The following CSGALNACT1 variants were observed in gnomAD, a reference collection of about 807,000 sequenced individuals.
CSGALNACT1 encodes the protein beta4GalNAcT-1.
In CSGALNACT1, 52 loss-of-function variants were observed where a neutral mutation model predicts 51.0. That is an observed-to-expected ratio of 1.02 (90% CI 0.82 to 1.29). The LOEUF is 1.29. Ranked by LOEUF, CSGALNACT1 falls within the 50% of genes most tolerant of loss-of-function variation. The pLI, the probability that CSGALNACT1 is intolerant of heterozygous loss-of-function variation, is 0.00. For synonymous variants in CSGALNACT1, 341 were observed against 254.4 expected (o/e 1.34, Z -3.24); for missense variants, 935 against 679.2 (o/e 1.38, Z -4.19).
At chr8:19,484,263 C>G (rs947689788) in intron 4 of CSGALNACT1, among the ~76,000 whole-genome samples, 1 of 136,446 alleles carries the variant, frequency 7.3e-6, no homozygotes, top group African/African-American at 2.8e-5. Flanking sequence ...CATTCTCCAC[C>G]GAATAAGAAA....
intron 3 of CSGALNACT1, among the ~76,000 whole-genome samples, chr8:19,524,431 T>C (rs559920236): frequency 3.9e-5 from 6 of 152,034 alleles, no homozygotes; most frequent in Non-Finnish European, 7.4e-5. Flanking sequence ...CCATGCCTAA[T>C]TTTTTTTTCT....
intron 3 of CSGALNACT1, among the ~76,000 whole-genome samples, chr8:19,518,508 G>A (rs947301769): frequency 6.6e-6 from 1 of 152,160 alleles, no homozygotes; most frequent in Non-Finnish European, 1.5e-5. Context: ...AAACCAATCT[G>A]TGAGCCCTAT....
intron 4 of CSGALNACT1, among the ~76,000 whole-genome samples, chr8:19,478,191 G>T (rs2070298269): frequency 6.6e-6 from 1 of 152,060 alleles, no homozygotes; most frequent in African/African-American, 2.4e-5. Flanking sequence ...AAGGCGGGTG[G>T]ATCACGAGGT....
rs564249073 is a variant in CSGALNACT1, at chr8:19,468,395, G to A, written c.635-9753C>T. Among the ~76,000 whole-genome samples the A allele has an allele frequency of 1.1e-4, 16 of 152,228 alleles. No individual in the cohort carries two copies. The East Asian group carries it at 1.2e-3, about 11-fold the overall frequency. On this transcript the variant is annotated intron_variant, in intron 4 of 9. Transcript: ENST00000454498. ...AAGGCCGACGTGGAGCGGGACGAGG[G>A]GTCACATCATGTGGATCCCCTAAGT...
At chr8:19,500,437 G>C (rs1050065506) in intron 4 of CSGALNACT1, among the ~76,000 whole-genome samples, 2 of 147,810 alleles carry the variant, frequency 1.4e-5, no homozygotes, top group Non-Finnish European at 3.0e-5. Context: ...GCTGTCTTAT[G>C]ATTTCCACCA....
chr8:19,747,633 C>T (rs1413517689), intron 1 of CSGALNACT1, among the ~76,000 whole-genome samples: 2 of 152,160 alleles, frequency 1.3e-5, no homozygotes, highest in Non-Finnish European at 2.9e-5. Flanking sequence ...TTCAGCCACC[C>T]TCTGGACTGA....
intron 1 of CSGALNACT1, among the ~76,000 whole-genome samples, chr8:19,662,157 C>G (rs1207055849): frequency 6.9e-6 from 1 of 144,976 alleles, no homozygotes; most frequent in Non-Finnish European, 1.5e-5. Flanking sequence ...GGGGCTCACA[C>G]TGGTAATCCC....
intron 3 of CSGALNACT1, among the ~76,000 whole-genome samples, chr8:19,511,834 T>A (rs969148420): frequency 1.3e-5 from 2 of 152,142 alleles, no homozygotes; most frequent in Non-Finnish European, 2.9e-5. Context: ...CTCAGGAAAC[T>A]TACAATCATG....
chr8:19,732,499 A>T (rs2063746554), intron 1 of CSGALNACT1: 2 of 152,176 alleles, frequency 1.3e-5, no homozygotes, highest in South Asian at 4.1e-4. Flanking sequence ...CTGATCCTGA[A>T]AATAGAATAA....
At chr8:19,699,484 T>A (rs1302544455) in intron 1 of CSGALNACT1, among the ~76,000 whole-genome samples, 4 of 152,218 alleles carry the variant, frequency 2.6e-5, no homozygotes, top group Non-Finnish European at 5.9e-5. Context: ...GGAAACAAGC[T>A]ATAACACAAG....
chr8:19,526,991 T>C (rs927378383), intron 3 of CSGALNACT1, among the ~76,000 whole-genome samples: 21 of 152,232 alleles, frequency 1.4e-4, no homozygotes, highest in Admixed American at 1.2e-3. Context: ...TATCCGTATC[T>C]ATATGACTCA....
chr8:19,468,835 G>A (rs746894605), intron 4 of CSGALNACT1, among the ~76,000 whole-genome samples: 2 of 152,160 alleles, frequency 1.3e-5, no homozygotes, highest in South Asian at 4.1e-4. Context: ...CATCCCCACT[G>A]TGTAAGCTGA....
chr8:19,465,457 G>T (rs76100144), intron 4 of CSGALNACT1, among the ~76,000 whole-genome samples: 18,029 of 152,128 alleles, frequency 0.12, 1,262 homozygotes, highest in Middle Eastern at 0.21. Flanking sequence ...ATGTACTTAA[G>T]GCCACTGAAC....
chr8:19,470,184 G>A (rs1160331578), intron 4 of CSGALNACT1, among the ~76,000 whole-genome samples: 1 of 152,194 alleles, frequency 6.6e-6, no homozygotes, highest in Non-Finnish European at 1.5e-5. Context: ...GGGTTACCTA[G>A]TTCCCACAAT....
At chr8:19,637,450 T>C (rs1306647174) in intron 1 of CSGALNACT1, among the ~76,000 whole-genome samples, 2 of 152,242 alleles carry the variant, frequency 1.3e-5, no homozygotes, top group Admixed American at 1.3e-4. Flanking sequence ...TTTTGTATGA[T>C]AATGTCATAA....
chr8:19,579,643 A>G (rs2045122014), intron 3 of CSGALNACT1, among the ~76,000 whole-genome samples: 1 of 152,248 alleles, frequency 6.6e-6, no homozygotes, highest in Non-Finnish European at 1.5e-5. Flanking sequence ...TTTAGTTCAC[A>G]GCATTGTCCT....
chr8:19,485,252 C>A (rs938917279), intron 4 of CSGALNACT1, among the ~76,000 whole-genome samples: 2 of 152,204 alleles, frequency 1.3e-5, no homozygotes, highest in Admixed American at 6.5e-5. Context: ...GTGTGTTCGG[C>A]ACAGGCTGAA....
intron 6 of CSGALNACT1, among the ~76,000 whole-genome samples, chr8:19,438,211 C>G (rs747029327): frequency 2.6e-5 from 4 of 152,090 alleles, no homozygotes; most frequent in Non-Finnish European, 5.9e-5. Flanking sequence ...GGGCAGCCAG[C>G]TGGCTGCACT....
At chr8:19,705,528 G>C (rs1393469818) in intron 1 of CSGALNACT1, among the ~76,000 whole-genome samples, 1 of 152,116 alleles carries the variant, frequency 6.6e-6, no homozygotes, top group East Asian at 1.9e-4. Context: ...TTAAGCCCAG[G>C]AGCTCAAGAC....
Sources: gnomAD v4.1 joint callset for allele counts (sites outside exome capture counted in the v4.1 genomes callset) on GRCh38, gnomAD v4.1.1 for gene constraint, MANE v1.5 for transcripts, NCBI Gene and HGNC (gene_info 2026-07-23, HGNC 2026-07-21) for gene names.